Variants in IGF1R observed in about 807,000 individuals in gnomAD.
The protein encoded by IGF1R is insulin-like growth factor 1 receptor.
Under a neutral mutation model 144.6 loss-of-function variants are expected in IGF1R, and 44 were observed. That is an observed-to-expected ratio of 0.30 (90% CI 0.24 to 0.39). The LOEUF (loss-of-function observed/expected upper bound fraction) is 0.39. IGF1R is among the 10% of genes least tolerant of loss of function. The pLI, the probability that IGF1R is intolerant of heterozygous loss-of-function variation, is 1.00. For synonymous variants in IGF1R, 795 were observed against 722.8 expected, an observed-to-expected ratio of 1.10 and a Z score of -1.60; for missense variants, 1,355 against 1,833.7, an observed-to-expected ratio of 0.74 and a Z score of 4.77.
intron 1 of IGF1R, among the ~76,000 whole-genome samples, chr15:98,701,775 T>C (rs2053739095): frequency 6.6e-6 from 1 of 152,220 alleles, no homozygotes. Flanking sequence ...CACCCTCCTT[T>C]GTTGTATGTT....
At chr15:98,853,573 G>A (rs1314082156) in intron 2 of IGF1R, among the ~76,000 whole-genome samples, 1 of 152,232 alleles carries the variant, frequency 6.6e-6, no homozygotes, top group Non-Finnish European at 1.5e-5. Flanking sequence ...AATCTATGAA[G>A]ATGGTTTGGA....
chr15:98,958,278 C>T lies in IGF1R; in HGVS notation c.*836C>T. On this transcript the variant is annotated 3_prime_UTR_variant, in exon 21 of 21. Coordinates refer to ENST00000650285, the MANE Select transcript of IGF1R (RefSeq NM_000875.5). ...TCAGTGAAGGTGGGGAGAAGCTGAACCGGCTTCCCTGCCCTGCCTCCCCAG... is the reference window on the plus strand; with the variant it reads ...TCAGTGAAGGTGGGGAGAAGCTGAATCGGCTTCCCTGCCCTGCCTCCCCAG... The T allele has an allele frequency of 1.3e-5, 3 of 231,120 alleles. No individual in the cohort carries two copies. The highest frequency in any genetic ancestry group is 2.6e-5 in the Non-Finnish European group (3 of 116,828). 14.3% of individuals were successfully genotyped at this position (231,120 alleles called of 1,614,324 possible).
chr15:98,948,802 C>T (rs1049031172), intron 20 of IGF1R, 94 bp downstream of exon 20: 2 of 1,421,116 alleles, frequency 1.4e-6, no homozygotes, highest in African/African-American at 2.8e-5. Context: ...TAAAGCCATT[C>T]TCTCTGGTCC....
At chr15:98,741,884 C>CTGTG in intron 2 of IGF1R, among the ~76,000 whole-genome samples, 1 of 152,124 alleles carries the variant, frequency 6.6e-6, no homozygotes, top group African/African-American at 2.4e-5. Context: ...GTCTAGATTT[C>CTGTG]TATGTAATTT....
chr15:98,948,811 C>A, intron 20 of IGF1R, 103 bp downstream of exon 20: 1 of 1,356,818 alleles, frequency 7.4e-7, no homozygotes, highest in Non-Finnish European at 1.0e-6. Context: ...TCTCTCTGGT[C>A]CTGCGCCTCC....
In IGF1R at chr15:98,707,529, A is replaced by C; in HGVS notation, c.95-33A>C. The C allele has an allele frequency of 1.2e-6, 2 of 1,604,798 alleles. No homozygotes were observed. The highest frequency in any genetic ancestry group is 2.2e-5 in the South Asian group (2 of 90,718). On this transcript the variant is annotated intron_variant, in intron 1 of 20. Transcript: ENST00000650285. The surrounding 1 kb of genome is among the most constrained non-coding windows in gnomAD (Gnocchi z 6.7). ...AATAGTTTAAAAATTATTTCCTTCT[A>C]ACTGAGACGTTTACCCTCTTGTCTC...
intron 2 of IGF1R, among the ~76,000 whole-genome samples, chr15:98,875,803 G>A (rs1272002856): frequency 6.6e-6 from 1 of 152,152 alleles, no homozygotes; most frequent in Non-Finnish European, 1.5e-5. Flanking sequence ...ACTGGATCTG[G>A]GAGCACGGTG....
At position 98,909,307 on chromosome 15, in the gene IGF1R, GCTGGGGT is replaced by G. The variant is rs370726950; in HGVS notation, c.1462+409_1462+415del. 3.0e-3 allele frequency among the ~76,000 whole-genome samples: 381 copies of G among 126,618 alleles called. 1 individual carries two copies. The highest frequency in any genetic ancestry group is 0.01 in the African/African-American group (348 of 33,506). The allele number at this position is 126,618 out of a possible 152,430, so 83.1% of individuals were successfully genotyped here. ...GATGGAGTCTCACTCTGTCACCCAGGCTGGGGTGCAGTGGCATGATCTTGGCTCACTG... is the reference window on the plus strand; with the variant it reads ...GATGGAGTCTCACTCTGTCACCCAGGGCAGTGGCATGATCTTGGCTCACTG... On this transcript the variant is annotated intron_variant, in intron 6 of 20. Coordinates refer to ENST00000650285, the MANE Select transcript of IGF1R (RefSeq NM_000875.5).
intron 7 of IGF1R, among the ~76,000 whole-genome samples, 183 bp downstream of exon 7, chr15:98,911,624 C>G (rs1308213950): frequency 6.6e-6 from 1 of 152,186 alleles, no homozygotes; most frequent in African/African-American, 2.4e-5. Flanking sequence ...TGATGTCAGT[C>G]ACAGCCAGTG....
chr15:98,891,655 G>T lies in IGF1R; in HGVS notation c.953+18G>T. 2 of 1,597,872 alleles carry T rather than the reference G, an allele frequency of 1.3e-6. No individual in the cohort carries two copies. The highest frequency in any genetic ancestry group is 1.1e-5 in the South Asian group (1 of 90,914). ...AGCCAGAGGTCAGTCGCGGCCACAC[G>T]TGTGGTCACTACCCGCCCCACCTCA... On this transcript the variant is annotated intron_variant, in intron 3 of 20. Coordinates refer to ENST00000650285, the MANE Select transcript of IGF1R (RefSeq NM_000875.5). This position sits in a 1 kb window ranked among gnomAD's most constrained non-coding sequence, Gnocchi z 4.7.
At chr15:98,954,326 G>A (rs935019107) in intron 20 of IGF1R, 1 of 152,098 alleles carries the variant, frequency 6.6e-6, no homozygotes, top group African/African-American at 2.4e-5. Flanking sequence ...AGAAGGGCTG[G>A]GTATGTGTCC....
intron 2 of IGF1R, among the ~76,000 whole-genome samples, chr15:98,742,354 A>G (rs1397514071): frequency 5.9e-5 from 9 of 152,206 alleles, no homozygotes; most frequent in African/African-American, 1.9e-4. Context: ...TAGTGCTGCT[A>G]TTGATCATTC....
chr15:98,695,606 C>A (rs776507421), intron 1 of IGF1R, among the ~76,000 whole-genome samples: 1 of 152,156 alleles, frequency 6.6e-6, no homozygotes, highest in Non-Finnish European at 1.5e-5. Flanking sequence ...GCAGATAACA[C>A]CCCAAAAGAG....
At chr15:98,922,458 T>C (rs1466154314) in intron 11 of IGF1R, 27 bp downstream of exon 11, 1 of 1,602,924 alleles carries the variant, frequency 6.2e-7, no homozygotes, top group South Asian at 1.1e-5. Context: ...CTGGCCCCAT[T>C]GCCACCTTCC....
intron 1 of IGF1R, among the ~76,000 whole-genome samples, chr15:98,656,804 T>C (rs1269489870): frequency 1.3e-5 from 2 of 152,208 alleles, no homozygotes; most frequent in Admixed American, 1.3e-4. Context: ...TCTCCATCCA[T>C]CCGTCCATCG....
chr15:98,650,787 C>G (rs1370319037), intron 1 of IGF1R: 18 of 586,280 alleles, frequency 3.1e-5, no homozygotes, highest in Non-Finnish European at 3.7e-5. Flanking sequence ...TCTCTTCTGC[C>G]GCCCCGCACT....
chr15:98,922,563 C>A, intron 11 of IGF1R, 132 bp downstream of exon 11: 1 of 1,045,300 alleles, frequency 9.6e-7, no homozygotes, highest in Non-Finnish European at 1.4e-6. Flanking sequence ...AAATAACGTG[C>A]AGTCATTGGC....
At chr15:98,773,435 G>C (rs369844148) in intron 2 of IGF1R, among the ~76,000 whole-genome samples, 1 of 152,254 alleles carries the variant, frequency 6.6e-6, no homozygotes, top group South Asian at 2.1e-4. Flanking sequence ...ATTGCTTACC[G>C]CTCCAGACAA....
At chr15:98,816,705 A>G (rs577356854) in intron 2 of IGF1R, among the ~76,000 whole-genome samples, 1 of 152,182 alleles carries the variant, frequency 6.6e-6, no homozygotes, top group Non-Finnish European at 1.5e-5. Context: ...ATGAATAGCT[A>G]CTCGCTGTGG....
Sources: allele counts gnomAD v4.1 joint callset (sites outside exome capture counted in the v4.1 genomes callset), GRCh38; gene constraint gnomAD v4.1.1; non-coding constraint Gnocchi (gnomAD v3.1); transcripts MANE v1.5; gene names NCBI Gene and HGNC (gene_info 2026-07-23, HGNC 2026-07-21).